GRM8: variants seen among roughly 807,000 people sequenced by gnomAD.
The protein encoded by GRM8 is glutamate metabotropic receptor 8.
Under a neutral mutation model 87.2 loss-of-function variants are expected in GRM8, and 47 were observed. The observed-to-expected ratio is 0.54, with a 90% CI of 0.43 to 0.69. The LOEUF is 0.69. Ranked by LOEUF, GRM8 falls within the 30% of genes least tolerant of loss-of-function variation. The pLI is 0.00. For synonymous variants in GRM8, 396 were observed against 404.5 expected (o/e 0.98, Z 0.25); for missense variants, 1,019 against 1,139.2 (o/e 0.89, Z 1.52).
intron 2 of GRM8, among the ~76,000 whole-genome samples, chr7:127,162,369 G>A (rs537708542): frequency 2.4e-4 from 36 of 152,226 alleles, no homozygotes; most frequent in African/African-American, 7.9e-4. Context: ...CTCCGTTCAG[G>A]GCTTTTTCCC....
At chr7:126,921,699 G>C (rs915600816) in intron 3 of GRM8, among the ~76,000 whole-genome samples, 1 of 152,058 alleles carries the variant, frequency 6.6e-6, no homozygotes, top group Non-Finnish European at 1.5e-5. Flanking sequence ...AGTTTTATTT[G>C]AAATGAAAAG....
At chr7:127,125,797 CACAA>C (rs1332447604) in intron 2 of GRM8, among the ~76,000 whole-genome samples, 8 of 151,044 alleles carry the variant, frequency 5.3e-5, no homozygotes, top group South Asian at 2.1e-4. Flanking sequence ...CACACACACA[CACAA>C]ATAACTATTA....
intron 9 of GRM8, among the ~76,000 whole-genome samples, chr7:126,530,518 C>T (rs536880131): frequency 7.9e-5 from 12 of 152,302 alleles, no homozygotes; most frequent in East Asian, 3.9e-4. Context: ...TCAGGGAAGC[C>T]GACTGACATG....
intron 6 of GRM8, among the ~76,000 whole-genome samples, chr7:126,806,186 G>A (rs183223015): frequency 4.6e-5 from 7 of 152,100 alleles, no homozygotes; most frequent in African/African-American, 1.4e-4. Context: ...TATTCCTTCC[G>A]GTGGGTTCGT....
intron 3 of GRM8, among the ~76,000 whole-genome samples, chr7:126,975,732 C>T (rs1296957550): frequency 5.3e-5 from 8 of 152,154 alleles, no homozygotes; most frequent in Middle Eastern, 3.4e-3. Context: ...TAATTATCTC[C>T]GGTAGTCTCC....
intron 8 of GRM8, among the ~76,000 whole-genome samples, chr7:126,579,224 T>C (rs1281625457): frequency 2.0e-5 from 3 of 152,202 alleles, no homozygotes; most frequent in Non-Finnish European, 4.4e-5. Context: ...AAAAATTCTC[T>C]AACAGGAAAA....
chr7:126,904,709 G>T, intron 3 of GRM8, 26 bp from the exon 4 acceptor site: 7 of 1,605,252 alleles, frequency 4.4e-6, no homozygotes, highest in Non-Finnish European at 6.0e-6. Flanking sequence ...GGGAGGTGGT[G>T]ATTCAGAAAG....
intron 7 of GRM8, among the ~76,000 whole-genome samples, chr7:126,631,554 CA>C (rs201639373): frequency 3.3e-5 from 5 of 150,276 alleles, no homozygotes; most frequent in East Asian, 1.9e-4. Context: ...ATATTAAAAA[CA>C]AAAAAAAACT....
chr7:126,618,561 G>A (rs536826377), intron 7 of GRM8, among the ~76,000 whole-genome samples: 5 of 152,188 alleles, frequency 3.3e-5, no homozygotes, highest in South Asian at 2.1e-4. Flanking sequence ...TCTACACAGC[G>A]AAAGAAACTA....
At chr7:126,575,594 A>T (rs1332076678) in intron 8 of GRM8, among the ~76,000 whole-genome samples, 1 of 152,022 alleles carries the variant, frequency 6.6e-6, no homozygotes, top group Non-Finnish European at 1.5e-5. Flanking sequence ...TACTTGACTC[A>T]TGAGTTGTAT....
intron 3 of GRM8, among the ~76,000 whole-genome samples, chr7:127,100,924 C>A (rs1825183342): frequency 6.6e-6 from 1 of 152,202 alleles, no homozygotes; most frequent in African/African-American, 2.4e-5. Context: ...CCATACTCAA[C>A]CATCAATTGT....
chr7:126,888,047 T>G (rs988714045), intron 6 of GRM8, among the ~76,000 whole-genome samples: 7 of 152,212 alleles, frequency 4.6e-5, no homozygotes, highest in African/African-American at 1.2e-4. Context: ...TAAGTCAATA[T>G]GAATTATTTG....
intron 6 of GRM8, among the ~76,000 whole-genome samples, chr7:126,780,064 A>T (rs901224320): frequency 2.0e-5 from 3 of 152,226 alleles, no homozygotes; most frequent in Non-Finnish European, 4.4e-5. Context: ...AACCTTCTAT[A>T]ACATACAACA....
At chr7:126,994,838 T>C (rs1156789397) in intron 3 of GRM8, among the ~76,000 whole-genome samples, 1 of 151,976 alleles carries the variant, frequency 6.6e-6, no homozygotes, top group Non-Finnish European at 1.5e-5. Context: ...CTGAAGGAAA[T>C]GACAAAATCT....
intron 6 of GRM8, among the ~76,000 whole-genome samples, chr7:126,778,932 G>GCCTC (rs1162971313): frequency 6.6e-6 from 1 of 151,894 alleles, no homozygotes; most frequent in Non-Finnish European, 1.5e-5. Flanking sequence ...AAATCTATTA[G>GCCTC]CCTCCCAGCT....
At chr7:126,523,883 ATTTG>A (rs1404227017) in intron 9 of GRM8, among the ~76,000 whole-genome samples, 15 of 152,284 alleles carry the variant, frequency 9.9e-5, no homozygotes, top group African/African-American at 2.4e-4. Context: ...AGTAGATAAT[ATTTG>A]TTTGTATAAT....
Position 127,252,856 on chromosome 7 carries a change from GCGCCGCCGCCGCCGC to G in GRM8, c.-386_-372del. 1 of 218,062 alleles carries G rather than the reference GCGCCGCCGCCGCCGC, an allele frequency of 4.6e-6. No homozygotes were observed. Among genetic ancestry groups the G allele is most frequent in the Admixed American group, 6.3e-5 (1 of 15,858 alleles). The allele number at this position is 218,062 out of a possible 1,614,324, so 13.5% of individuals were successfully genotyped here. ...GCCGGGGGCCCGCAGCTCCATGTCAGCGCCGCCGCCGCCGCCGCCGCCGCCGCGTGAGGCGAGCAC... is the reference window on the plus strand; with the variant it reads ...GCCGGGGGCCCGCAGCTCCATGTCAGCGCCGCCGCCGCGTGAGGCGAGCAC... On this transcript the variant is annotated 5_prime_UTR_variant, in exon 1 of 11. Coordinates refer to ENST00000339582, the MANE Select transcript of GRM8 (RefSeq NM_000845.3). This position sits in a 1 kb window ranked among gnomAD's most constrained non-coding sequence, Gnocchi z 4.9.
At chr7:126,571,281 C>G (rs561345233) in intron 8 of GRM8, among the ~76,000 whole-genome samples, 18 of 152,232 alleles carry the variant, frequency 1.2e-4, no homozygotes, top group African/African-American at 4.3e-4. Flanking sequence ...AAATATACTG[C>G]AAGACAGCTT....
chr7:126,784,986 T>C (rs1403085088), intron 6 of GRM8, among the ~76,000 whole-genome samples: 2 of 152,168 alleles, frequency 1.3e-5, no homozygotes, highest in African/African-American at 2.4e-5. Context: ...TGTAAGCACA[T>C]AGTAACCATT....
Sources: allele counts gnomAD v4.1 joint callset (sites outside exome capture counted in the v4.1 genomes callset), GRCh38; gene constraint gnomAD v4.1.1; non-coding constraint Gnocchi (gnomAD v3.1); transcripts MANE v1.5; gene names NCBI Gene and HGNC (gene_info 2026-07-23, HGNC 2026-07-21).